Variants in CDC40 observed in about 807,000 individuals in gnomAD.
CDC40 encodes pre-mRNA-processing factor 17.
CDC40 carries 27 observed loss-of-function variants against 80.6 expected under a neutral mutation model. The observed-to-expected ratio is 0.33, with a 90% CI of 0.25 to 0.46. The LOEUF is 0.46. CDC40 is among the 20% of genes least tolerant of loss of function. The pLI is 1.00. For missense variants in CDC40, 486 were observed against 694.1 expected, an observed-to-expected ratio of 0.70 and a Z score of 3.37; for synonymous variants, 221 against 232.6, an observed-to-expected ratio of 0.95 and a Z score of 0.45.
At position 110,231,371 on chromosome 6, in the gene CDC40, G is replaced by A. The variant is rs1777935721; in HGVS notation, c.*1240G>A. ...AAAAATTAGCCAGGCTTGGTGGCTGGCGCCTGTAATTCCAGCTACTCAGAA... is the reference window on the plus strand; with the variant it reads ...AAAAATTAGCCAGGCTTGGTGGCTGACGCCTGTAATTCCAGCTACTCAGAA... On this transcript the variant is annotated 3_prime_UTR_variant, in exon 15 of 15. Coordinates refer to ENST00000307731, the MANE Select transcript of CDC40 (RefSeq NM_015891.3). 6.6e-6 allele frequency: 1 copy of A among 152,278 alleles called. No individual in the cohort carries two copies. Among genetic ancestry groups the A allele is most frequent in the African/African-American group, 2.4e-5 (1 of 41,434 alleles). The allele number at this position is 152,278 out of a possible 1,614,324, so 9.4% of individuals were successfully genotyped here. A position where few individuals can be genotyped will look rare whatever the true frequency, so the allele number is the denominator to read the frequency against.
intron 2 of CDC40, among the ~76,000 whole-genome samples, chr6:110,193,834 A>C (rs965548578): frequency 5.3e-5 from 8 of 152,246 alleles, no homozygotes; most frequent in Non-Finnish European, 1.2e-4. Flanking sequence ...CTTTTGAAAA[A>C]GGAAATCTGA....
chr6:110,224,910 T>C (rs1028618621), intron 12 of CDC40, among the ~76,000 whole-genome samples: 2 of 152,234 alleles, frequency 1.3e-5, no homozygotes, highest in African/African-American at 4.8e-5. Context: ...ATTCATGTTG[T>C]AAAATTATTA....
At chr6:110,196,546 C>T (rs1238513881) in intron 2 of CDC40, among the ~76,000 whole-genome samples, 1 of 152,046 alleles carries the variant, frequency 6.6e-6, no homozygotes, top group Non-Finnish European at 1.5e-5. Flanking sequence ...GAATTCCAGA[C>T]TCTTTAAAAT....
chr6:110,219,703 C>G, intron 11 of CDC40, 33 bp from the exon 12 acceptor site: 1 of 1,608,394 alleles, frequency 6.2e-7, no homozygotes, highest in Non-Finnish European at 8.5e-7. Context: ...CACTCTACTT[C>G]TGTCTTTACC....
At chr6:110,217,146 C>A (rs759766800) in intron 9 of CDC40, among the ~76,000 whole-genome samples, 2 of 152,152 alleles carry the variant, frequency 1.3e-5, no homozygotes, top group Non-Finnish European at 2.9e-5. Flanking sequence ...ATATAGTTTT[C>A]AGAAAGTCTC....
At chr6:110,203,262 G>A (rs1777516108) in intron 3 of CDC40, among the ~76,000 whole-genome samples, 1 of 152,160 alleles carries the variant, frequency 6.6e-6, no homozygotes, top group South Asian at 2.1e-4. Context: ...GCAAGTATAT[G>A]ACTTCTATTA....
chr6:110,227,670 A>G lies in CDC40; in HGVS notation c.1418-1162A>G, dbSNP rs1777883564. ...AGCACGAATCCAGAATATTCAACAA[A>G]ATAAACAATAAAAAATAACAATACA... On this transcript the variant is annotated intron_variant, in intron 13 of 14. Transcript: ENST00000307731. Among the ~76,000 whole-genome samples the G allele has an allele frequency of 2.7e-5, 4 of 148,516 alleles. No individual in the cohort carries two copies. In the South Asian group the frequency reaches 8.8e-4, roughly 33 times the overall value.
In CDC40 at chr6:110,180,526, C is replaced by T; in HGVS notation, c.82C>T (p.Arg28Trp). Residue 28 changes from arginine (R) to tryptophan (W), a missense_variant, in exon 1 of 15, where the codon CGG becomes TGG. Physicochemically the swap from Arg to Trp is moderately radical, Grantham distance 101. This residue lies in a region of CDC40 where 381 missense variants were observed against 492.1 expected (regional missense o/e 0.77). Transcript: ENST00000307731. ...SESDSDSESS[R>W]CPLPAADSLM... Reference sequence around the variant, plus strand: ...ATCGGACTCGGACAGTGAGAGCAGTCGGTGTCCGCTGCCAGCCGCCGACTC... The same window carrying T: ...ATCGGACTCGGACAGTGAGAGCAGTTGGTGTCCGCTGCCAGCCGCCGACTC... The T allele has an allele frequency of 1.9e-6, 3 of 1,614,164 alleles. No homozygotes were observed. The highest frequency in any genetic ancestry group is 2.5e-6 in the Non-Finnish European group (3 of 1,180,022).
At chr6:110,202,275 T>C (rs1777503284) in intron 3 of CDC40, among the ~76,000 whole-genome samples, 1 of 151,804 alleles carries the variant, frequency 6.6e-6, no homozygotes, top group Non-Finnish European at 1.5e-5. Context: ...GTAATAGACT[T>C]AGAATGTACC....
intron 1 of CDC40, among the ~76,000 whole-genome samples, chr6:110,182,227 A>C (rs915893948): frequency 6.6e-6 from 1 of 152,246 alleles, no homozygotes; most frequent in Non-Finnish European, 1.5e-5. Context: ...TAATTGTCAT[A>C]AAAGATGTAA....
chr6:110,222,975 C>T (rs1777797484), intron 12 of CDC40, among the ~76,000 whole-genome samples: 1 of 152,192 alleles, frequency 6.6e-6, no homozygotes, highest in Non-Finnish European at 1.5e-5. Context: ...ATTTGTTATT[C>T]CCATTTTATG....
chr6:110,201,783 A>C, intron 3 of CDC40, 96 bp downstream of exon 3: 1 of 987,538 alleles, frequency 1.0e-6, no homozygotes, highest in South Asian at 1.8e-5. Context: ...TTTAAAATTC[A>C]CTGGATTCCT....
intron 1 of CDC40, among the ~76,000 whole-genome samples, chr6:110,189,344 G>T (rs1235734115): frequency 6.6e-6 from 1 of 152,064 alleles, no homozygotes; most frequent in Non-Finnish European, 1.5e-5. Context: ...CTCCACAAGG[G>T]CAGGTATCTT....
intron 3 of CDC40, among the ~76,000 whole-genome samples, chr6:110,202,284 C>T (rs1238811144): frequency 6.6e-5 from 10 of 152,096 alleles, no homozygotes; most frequent in Admixed American, 6.6e-4. Context: ...TTAGAATGTA[C>T]CAAATATCAC....
intron 14 of CDC40, 44 bp downstream of exon 14, chr6:110,229,020 T>G (rs41288578): frequency 0.11 from 164,429 of 1,453,832 alleles, 9,962 homozygotes; most frequent in African/African-American, 0.19. Context: ...CAAATATGAT[T>G]ATATAAACTG....
At chr6:110,220,995 T>G (rs1777768895) in intron 12 of CDC40, among the ~76,000 whole-genome samples, 1 of 152,178 alleles carries the variant, frequency 6.6e-6, no homozygotes, top group Non-Finnish European at 1.5e-5. Context: ...ATATCATGAC[T>G]CTGGTACAAA....
intron 13 of CDC40, among the ~76,000 whole-genome samples, chr6:110,227,333 G>T (rs1198537420): frequency 6.6e-6 from 1 of 152,148 alleles, no homozygotes; most frequent in Non-Finnish European, 1.5e-5. Flanking sequence ...TGTAGGGCAA[G>T]GAAGAATTTG....
chr6:110,185,203 TTC>T (rs1209928906), intron 1 of CDC40, among the ~76,000 whole-genome samples: 2 of 151,968 alleles, frequency 1.3e-5, no homozygotes, highest in African/African-American at 4.8e-5. Context: ...ACTTCTTTCT[TTC>T]TCTCTTTCAC....
intron 3 of CDC40, among the ~76,000 whole-genome samples, chr6:110,206,084 A>G (rs1777558258): frequency 6.6e-6 from 1 of 152,212 alleles, no homozygotes; most frequent in African/African-American, 2.4e-5. Context: ...TTTGAAAAGC[A>G]TGCTTCATGA....
Sources: gnomAD v4.1 joint callset for allele counts (sites outside exome capture counted in the v4.1 genomes callset) on GRCh38, gnomAD v4.1.1 for gene constraint, gnomAD v4.1.1 regional missense constraint, MANE v1.5 for transcripts, NCBI Gene and HGNC (gene_info 2026-07-23, HGNC 2026-07-21) for gene names.